The following PRKD1 variants were observed in gnomAD, a reference collection of about 807,000 sequenced individuals.
PRKD1 encodes the protein serine/threonine-protein kinase D1.
In PRKD1, 63 loss-of-function variants were observed where a neutral mutation model predicts 95.9. The observed-to-expected ratio is 0.66, with a 90% CI of 0.54 to 0.81. The LOEUF (loss-of-function observed/expected upper bound fraction) is 0.81, where lower values mean the gene tolerates loss of function less well. Ranked by LOEUF, PRKD1 falls within the 30% of genes least tolerant of loss-of-function variation. PRKD1 has a pLI of 0.00. For synonymous variants in PRKD1, 425 were observed against 423.1 expected, an observed-to-expected ratio of 1.00 and a Z score of -0.05; for missense variants, 1,048 against 1,165.3, an observed-to-expected ratio of 0.90 and a Z score of 1.47.
intron 1 of PRKD1, among the ~76,000 whole-genome samples, chr14:29,782,843 C>T (rs1889110123): frequency 6.6e-6 from 1 of 152,024 alleles, no homozygotes; most frequent in Non-Finnish European, 1.5e-5. Flanking sequence ...TGCCCCTGGC[C>T]CAAATTGTTT....
chr14:29,659,239 T>G (rs1458373231), intron 4 of PRKD1, among the ~76,000 whole-genome samples: 1 of 152,236 alleles, frequency 6.6e-6, no homozygotes, highest in Non-Finnish European at 1.5e-5. Context: ...CTTCATATAC[T>G]GGATTCATAA....
intron 1 of PRKD1, among the ~76,000 whole-genome samples, chr14:29,726,646 C>A (rs2139397898): frequency 6.6e-6 from 1 of 152,028 alleles, no homozygotes; most frequent in African/African-American, 2.4e-5. Context: ...TTTTCTTAGT[C>A]TTAGAATTAG....
intron 4 of PRKD1, among the ~76,000 whole-genome samples, chr14:29,663,170 T>TATATATATATATATATA (rs1566522868): frequency 7.6e-5 from 11 of 145,600 alleles, no homozygotes; most frequent in South Asian, 6.4e-4. Context: ...TATATATATA[T>TATATATATATATATATA]TCTAGAGCTA....
intron 1 of PRKD1, among the ~76,000 whole-genome samples, chr14:29,888,815 C>CA (rs1893834398): frequency 6.6e-6 from 1 of 152,188 alleles, no homozygotes; most frequent in Non-Finnish European, 1.5e-5. Context: ...AAGTCCTGAG[C>CA]ATTAATTCAT....
At chr14:29,908,788 G>A (rs942690046) in intron 1 of PRKD1, among the ~76,000 whole-genome samples, 1 of 152,184 alleles carries the variant, frequency 6.6e-6, no homozygotes, top group Non-Finnish European at 1.5e-5. Context: ...TATCGAGTAA[G>A]AACAATGGTC....
intron 1 of PRKD1, among the ~76,000 whole-genome samples, chr14:29,813,533 T>C (rs1890575723): frequency 6.6e-6 from 1 of 152,178 alleles, no homozygotes; most frequent in African/African-American, 2.4e-5. Context: ...AATGAGATTA[T>C]TCTCATTATA....
In PRKD1 at chr14:29,882,974, T is replaced by C. The variant is rs530308101; in HGVS notation, c.264+44275A>G. 4.6e-5 allele frequency among the ~76,000 whole-genome samples: 7 copies of C among 152,314 alleles called. No individual in the cohort carries two copies. The South Asian group carries it at 1.4e-3, about 32-fold the overall frequency. ...GTATTACGTTGTTCTAGCATTGCTA[T>C]AAAGACCTGAGGTTGGGTAATTTAT... On this transcript the variant is annotated intron_variant, in intron 1 of 17. Transcript: ENST00000331968.
intron 2 of PRKD1, among the ~76,000 whole-genome samples, chr14:29,669,752 G>T (rs45620641): frequency 0.026 from 3,960 of 151,968 alleles, 143 homozygotes; most frequent in African/African-American, 0.079. Context: ...CCTGTAATCC[G>T]AGCTACTTAG....
intron 4 of PRKD1, among the ~76,000 whole-genome samples, chr14:29,648,504 A>G (rs1209659156): frequency 2.0e-5 from 3 of 152,228 alleles, no homozygotes; most frequent in African/African-American, 7.2e-5. Context: ...TTATTGAAAG[A>G]TGACAACCAT....
intron 1 of PRKD1, among the ~76,000 whole-genome samples, chr14:29,766,596 A>C (rs1401498902): frequency 4.6e-5 from 7 of 152,192 alleles, no homozygotes; most frequent in Non-Finnish European, 1.0e-4. Flanking sequence ...GCAGCAGAAG[A>C]AGCACTACCT....
rs1397461460 is a variant in PRKD1, at chr14:29,597,772, G to C, written c.2167-14C>G. 1 of 1,601,752 alleles carries C rather than the reference G, an allele frequency of 6.2e-7. No homozygotes were observed. Among genetic ancestry groups the C allele is most frequent in the Admixed American group, 1.7e-5 (1 of 58,758 alleles). ...ACAAAGTTTCACCTGTTGATGAAAGGATTTGCAGAAATACTCCGTTCACAA... is the reference window on the plus strand; with the variant it reads ...ACAAAGTTTCACCTGTTGATGAAAGCATTTGCAGAAATACTCCGTTCACAA... On this transcript the variant is annotated splice_polypyrimidine_tract_variant and intron_variant, in intron 15 of 17. Transcript: ENST00000331968.
intron 1 of PRKD1, among the ~76,000 whole-genome samples, chr14:29,775,521 C>G (rs1226546748): frequency 6.6e-6 from 1 of 152,158 alleles, no homozygotes; most frequent in Non-Finnish European, 1.5e-5. Context: ...GCTCGAGGGT[C>G]CCCCACCCAC....
chr14:29,591,372 T>C (rs1213741335), intron 16 of PRKD1: 2 of 152,304 alleles, frequency 1.3e-5, no homozygotes, highest in African/African-American at 4.8e-5. Flanking sequence ...TTATAATGTA[T>C]CTAACTTTGA....
chr14:29,790,916 G>C (rs1456020351), intron 1 of PRKD1, among the ~76,000 whole-genome samples: 1 of 152,166 alleles, frequency 6.6e-6, no homozygotes, highest in African/African-American at 2.4e-5. Flanking sequence ...GATGCTGTGA[G>C]ACCATGTAAA....
rs182892462 is a variant in PRKD1, at chr14:29,597,352, G to C, written c.2434+139C>G. 2.8e-4 allele frequency: 234 copies of C among 850,226 alleles called. No individual in the cohort carries two copies. The African/African-American group carries it at 3.3e-3, about 12-fold the overall frequency. 52.7% of individuals were successfully genotyped at this position (850,226 alleles called of 1,614,324 possible). On this transcript the variant is annotated intron_variant, in intron 16 of 17. Transcript: ENST00000331968. ...GTATGTGTCCCACCCAAATTAATTC[G>C]TGTCTTTGTGTCTCCACTCTGGTGG... is the stretch of plus-strand genomic sequence containing the variant.
chr14:29,783,135 C>G (rs1889122989), intron 1 of PRKD1, among the ~76,000 whole-genome samples: 1 of 152,158 alleles, frequency 6.6e-6, no homozygotes, highest in South Asian at 2.1e-4. Context: ...TACCCGATAA[C>G]TAACCTGTCT....
intron 1 of PRKD1, among the ~76,000 whole-genome samples, chr14:29,823,439 G>A (rs1406738484): frequency 1.3e-5 from 2 of 152,092 alleles, no homozygotes; most frequent in East Asian, 3.9e-4. Context: ...AAATGCAAAT[G>A]TTAAAGTATA....
intron 4 of PRKD1, among the ~76,000 whole-genome samples, chr14:29,639,670 A>T (rs2139140363): frequency 6.6e-6 from 1 of 151,990 alleles, no homozygotes; most frequent in East Asian, 1.9e-4. Context: ...GAAAGAAAGA[A>T]AGAAAAAAAT....
At chr14:29,783,098 T>C (rs185154827) in intron 1 of PRKD1, among the ~76,000 whole-genome samples, 27 of 152,252 alleles carry the variant, frequency 1.8e-4, no homozygotes, top group Non-Finnish European at 2.8e-4. Flanking sequence ...CACTAGAATG[T>C]ATTCCTTCTC....
Sources: allele counts gnomAD v4.1 joint callset (sites outside exome capture counted in the v4.1 genomes callset), GRCh38; gene constraint gnomAD v4.1.1; transcripts MANE v1.5; gene names NCBI Gene and HGNC (gene_info 2026-07-23, HGNC 2026-07-21).